The following DNAH6 variants were observed in gnomAD, a reference collection of about 807,000 sequenced individuals.
DNAH6 encodes the protein dynein axonemal heavy chain 6.
In DNAH6, 340 loss-of-function variants were observed where a neutral mutation model predicts 491.4. The observed-to-expected ratio is 0.69, with a 90% confidence interval of 0.63 to 0.76. DNAH6 has a LOEUF of 0.76. Ranked by LOEUF, DNAH6 falls within the 30% of genes least tolerant of loss-of-function variation. DNAH6 has a pLI of 0.00. For synonymous variants in DNAH6, 1,603 were observed against 1,686.1 expected, an observed-to-expected ratio of 0.95 and a Z score of 1.21; for missense variants, 4,443 against 4,972.2, an observed-to-expected ratio of 0.89 and a Z score of 3.20.
chr2:84,732,503 C>T (rs1699205706), intron 61 of DNAH6, among the ~76,000 whole-genome samples: 1 of 152,098 alleles, frequency 6.6e-6, no homozygotes, highest in Admixed American at 6.5e-5. Flanking sequence ...ACCTTGAAAA[C>T]ACTAAGCTAA....
At chr2:84,780,513 A>G (rs1451918187) in intron 64 of DNAH6, among the ~76,000 whole-genome samples, 1 of 151,952 alleles carries the variant, frequency 6.6e-6, no homozygotes, top group Non-Finnish European at 1.5e-5. Flanking sequence ...TCATATAGCT[A>G]TGTCATCTTT....
the DNAH6 span, among the ~76,000 whole-genome samples, chr2:84,506,107 A>C: frequency 6.6e-6 from 1 of 152,204 alleles, no homozygotes; most frequent in South Asian, 2.1e-4. Flanking sequence ...TAGTATTTCT[A>C]GTTCTAGATC....
chr2:84,567,089 A>G (rs1037997808), intron 11 of DNAH6, among the ~76,000 whole-genome samples: 4 of 152,146 alleles, frequency 2.6e-5, no homozygotes, highest in Non-Finnish European at 5.9e-5. Flanking sequence ...GGATGCAAGA[A>G]TAGAATGAAT....
intron 4 of DNAH6, among the ~76,000 whole-genome samples, chr2:84,534,392 C>T (rs576650494): frequency 1.3e-5 from 2 of 152,180 alleles, no homozygotes; most frequent in Non-Finnish European, 1.5e-5. Flanking sequence ...ACTGTGTAGT[C>T]CCCGCTGCCA....
chr2:84,540,048 C>T (rs1678092405), intron 4 of DNAH6, among the ~76,000 whole-genome samples: 2 of 152,104 alleles, frequency 1.3e-5, no homozygotes, highest in African/African-American at 2.4e-5. Flanking sequence ...TACTTTAAAA[C>T]CATGTAATAA....
At chr2:84,756,176 C>A (rs904657495) in intron 63 of DNAH6, among the ~76,000 whole-genome samples, 2 of 152,108 alleles carry the variant, frequency 1.3e-5, no homozygotes, top group Non-Finnish European at 2.9e-5. Flanking sequence ...CTTCTATATT[C>A]CTAGTATGTG....
At position 84,670,422 on chromosome 2, in the gene DNAH6, G is replaced by A. The variant is rs527242545; in HGVS notation, c.6401G>A (p.Arg2134Lys). The A allele has an allele frequency of 1.7e-4, 270 of 1,545,970 alleles. No individual in the cohort carries two copies. Among genetic ancestry groups the A allele is most frequent in the Non-Finnish European group, 2.3e-4 (261 of 1,144,274 alleles). The change falls in exon 39 of 77, where the codon AGG becomes AAG. Residue 2134 changes from arginine (R) to lysine (K), a missense_variant. Coordinates refer to ENST00000389394, the MANE Select transcript of DNAH6 (RefSeq NM_001370.2). ...LNFSAQTSSA[R>K]TQEIIESKLE... is the part of the protein sequence containing the mutation. ...TTTTCTGCTCAAACTTCATCTGCAA[G>A]GACACAAGAGATCATTGAGTCAAAA...
Position 84,727,828 on chromosome 2 carries a change from A to G in DNAH6, c.10132A>G (p.Met3378Val). 1 of 1,552,148 alleles carries G rather than the reference A, an allele frequency of 6.4e-7. No individual in the cohort carries two copies. The highest frequency in any genetic ancestry group is 8.7e-7 in the Non-Finnish European group (1 of 1,147,056). The stretch of plus-strand genomic sequence containing the variant: ...CTACAGCTTTATGCTTTGTGTTGAG[A>G]TGATGCGTCAGCAAGGAACCCTATC... ...LIYSFMLCVE[M>V]MRQQGTLSDA... The change falls in exon 61 of 77, where the codon ATG becomes GTG. Residue 3378 changes from methionine to valine, a missense_variant. Around this residue, in one of 3 missense-constraint regions of DNAH6, gnomAD observed 1,463 missense variants for 1,656.6 expected, o/e 0.88. Coordinates refer to ENST00000389394, the MANE Select transcript of DNAH6 (RefSeq NM_001370.2).
Position 84,779,385 on chromosome 2 carries a change from G to T in DNAH6, c.10704-2108G>T, listed in dbSNP as rs542627249. Among the ~76,000 whole-genome samples, 8 of 152,214 alleles carry T rather than the reference G, an allele frequency of 5.3e-5. No homozygotes were observed. The South Asian group carries it at 8.3e-4, about 16-fold the overall frequency. On this transcript the variant is annotated intron_variant, in intron 64 of 76. Transcript: ENST00000389394. ...TTTTTGTTGAATTCAACCCATTACC[G>T]TTATGTAATGCCCTACTTTGTCCTT...
intron 63 of DNAH6, among the ~76,000 whole-genome samples, chr2:84,761,775 TACACACACACACATACACACACACAC>T (rs1259579692): frequency 1.6e-5 from 2 of 123,548 alleles, no homozygotes; most frequent in African/African-American, 6.5e-5. Context: ...CAGCATTACA[TACACACACACACATACACACACACAC>T]ACACACACAC....
At chr2:84,482,127 C>CAG in the DNAH6 span, among the ~76,000 whole-genome samples, 1 of 152,190 alleles carries the variant, frequency 6.6e-6, no homozygotes. Context: ...GACACAAACA[C>CAG]AGACATATGC....
chr2:84,489,382 AAGTTAAAAGATATG>A, the DNAH6 span, among the ~76,000 whole-genome samples: 4 of 152,130 alleles, frequency 2.6e-5, no homozygotes, highest in Non-Finnish European at 1.5e-5. Context: ...TATACTTTTG[AAGTTAAAAGATATG>A]TATCATATCT....
chr2:84,552,116 C>T (rs1018910085), intron 9 of DNAH6, among the ~76,000 whole-genome samples: 8 of 151,192 alleles, frequency 5.3e-5, no homozygotes, highest in East Asian at 3.9e-4. Context: ...TATTACCATT[C>T]GTTTTAATCT....
chr2:84,533,483 T>C lies in DNAH6; in HGVS notation c.662+4317T>C, dbSNP rs143572532. Among the ~76,000 whole-genome samples the C allele has an allele frequency of 2.0e-3, 310 of 152,204 alleles. 1 individual carries two copies. The highest frequency in any genetic ancestry group is 3.8e-3 in the Non-Finnish European group (259 of 67,988). On this transcript the variant is annotated intron_variant, in intron 4 of 76. Coordinates refer to ENST00000389394, the MANE Select transcript of DNAH6 (RefSeq NM_001370.2). ...GTTATCACTTTGGTGCCAAAATACT[T>C]TGAAGATAAGAATACAATATTGGAA...
chr2:84,680,941 G>T (rs1029134415), intron 41 of DNAH6, among the ~76,000 whole-genome samples: 3 of 152,136 alleles, frequency 2.0e-5, no homozygotes, highest in Non-Finnish European at 4.4e-5. Flanking sequence ...GTTCACCATT[G>T]CAAGTAAGTC....
chr2:84,617,606 A>G (rs1687000843), intron 23 of DNAH6, among the ~76,000 whole-genome samples: 1 of 151,812 alleles, frequency 6.6e-6, no homozygotes, highest in African/African-American at 2.4e-5. Flanking sequence ...CATGAGTTCA[A>G]TTGTTTTGAT....
At chr2:84,474,630 T>C in the DNAH6 span, among the ~76,000 whole-genome samples, 7 of 152,208 alleles carry the variant, frequency 4.6e-5, no homozygotes, top group African/African-American at 9.7e-5. Context: ...TTGCAATAAG[T>C]CTTTACCCCA....
the DNAH6 span, among the ~76,000 whole-genome samples, chr2:84,505,483 T>G: frequency 6.6e-6 from 1 of 152,100 alleles, no homozygotes; most frequent in Non-Finnish European, 1.5e-5. Flanking sequence ...TAGCTATGGG[T>G]TTTTCATATG....
chr2:84,581,254 CTG>C (rs1406709425), intron 14 of DNAH6, among the ~76,000 whole-genome samples: 1 of 152,296 alleles, frequency 6.6e-6, no homozygotes, highest in African/African-American at 2.4e-5. Context: ...AAAACATAGA[CTG>C]TGTCCCATCT....
Sources: allele counts gnomAD v4.1 joint callset (sites outside exome capture counted in the v4.1 genomes callset), GRCh38; gene constraint gnomAD v4.1.1; regional missense constraint gnomAD v4.1.1; transcripts MANE v1.5; gene names NCBI Gene and HGNC (gene_info 2026-07-23, HGNC 2026-07-21).